The following OR51B5 variants were observed in gnomAD, a reference collection of about 807,000 sequenced individuals.
OR51B5 encodes the protein olfactory receptor family 51 subfamily B member 5, also known as olfactory receptor 51B5.
For synonymous variants in OR51B5, 186 were observed against 144.8 expected, an observed-to-expected ratio of 1.28 and a Z score of -2.04; for missense variants, 456 against 374.6, an observed-to-expected ratio of 1.22 and a Z score of -1.79.
At chr11:5,440,931 T>C (rs766425060) in intron 1 of OR51B5, 2 of 1,613,774 alleles carry the variant, frequency 1.2e-6, no homozygotes, top group African/African-American at 2.7e-5. Context: ...GTTGTTAACA[T>C]GGATGTCTCC....
intron 1 of OR51B5, among the ~76,000 whole-genome samples, chr11:5,367,716 C>G (rs1336300841): frequency 6.6e-6 from 1 of 152,184 alleles, no homozygotes; most frequent in Non-Finnish European, 1.5e-5. Context: ...AGGTCTCAGC[C>G]TTATTGTACC....
At chr11:5,483,505 A>T (rs1851456202) in intron 1 of OR51B5, among the ~76,000 whole-genome samples, 1 of 128,360 alleles carries the variant, frequency 7.8e-6, no homozygotes, top group Non-Finnish European at 1.6e-5. Context: ...CTTAAAGTAT[A>T]ATTAAAAAAA....
chr11:5,346,361 G>A (rs1472093734), upstream of OR51B5: 2 of 151,928 alleles, frequency 1.3e-5, no homozygotes, highest in African/African-American at 4.8e-5. Context: ...TTTCTGAGAA[G>A]AAAGACAATG....
At chr11:5,385,555 G>T (rs1037913398) in intron 1 of OR51B5, 4 of 152,040 alleles carry the variant, frequency 2.6e-5, no homozygotes, top group African/African-American at 7.2e-5. Flanking sequence ...GGCTCCAGGG[G>T]CCTTTAGAGA....
At chr11:5,441,973 A>C (rs1433479658) in intron 1 of OR51B5, among the ~76,000 whole-genome samples, 3 of 152,174 alleles carry the variant, frequency 2.0e-5, no homozygotes, top group African/African-American at 7.2e-5. Context: ...TGTCATAGCC[A>C]AAAACTTTTC....
intron 1 of OR51B5, among the ~76,000 whole-genome samples, chr11:5,448,947 C>T (rs571969803): frequency 3.9e-5 from 6 of 152,268 alleles, no homozygotes; most frequent in Admixed American, 2.6e-4. Flanking sequence ...AAAGAAGAAC[C>T]AGCCCCACTC....
intron 1 of OR51B5, among the ~76,000 whole-genome samples, chr11:5,445,641 A>G (rs1850749233): frequency 6.6e-6 from 1 of 151,700 alleles, no homozygotes; most frequent in African/African-American, 2.4e-5. Context: ...TGTACCTCCA[A>G]GCCCTATCTA....
At chr11:5,389,966 T>C in intron 1 of OR51B5, 1 of 1,611,930 alleles carries the variant, frequency 6.2e-7, no homozygotes, top group Non-Finnish European at 8.5e-7. Flanking sequence ...CTCCCACTCA[T>C]TTTGCCTGCA....
chr11:5,369,740 T>C (rs1239387706), intron 1 of OR51B5, among the ~76,000 whole-genome samples: 1 of 152,182 alleles, frequency 6.6e-6, no homozygotes, highest in Non-Finnish European at 1.5e-5. Context: ...CTCAAATAAA[T>C]AGTCCTATTG....
chr11:5,457,613 C>A (rs912393489), intron 1 of OR51B5, among the ~76,000 whole-genome samples: 9 of 152,164 alleles, frequency 5.9e-5, no homozygotes, highest in African/African-American at 2.2e-4. Flanking sequence ...ATTTTCTCTG[C>A]AACCTCACCA....
intron 1 of OR51B5, among the ~76,000 whole-genome samples, chr11:5,424,971 G>T (rs1407551085): frequency 1.5e-5 from 1 of 66,388 alleles, no homozygotes; most frequent in Non-Finnish European, 3.4e-5. Context: ...GACAGAGTGA[G>T]ACTCCGCCTC....
intron 1 of OR51B5, chr11:5,390,073 C>G: frequency 6.2e-7 from 1 of 1,613,718 alleles, no homozygotes; most frequent in Non-Finnish European, 8.5e-7. Context: ...ACCTGGTGCT[C>G]ATCGCACTGT....
intron 1 of OR51B5, among the ~76,000 whole-genome samples, chr11:5,479,886 G>C (rs1455445799): frequency 1.2e-3 from 163 of 139,968 alleles, no homozygotes; most frequent in African/African-American, 4.2e-3. Context: ...CCTACAAAGA[G>C]ACTTAGACTC....
At chr11:5,356,176 C>G (rs567274382) in intron 1 of OR51B5, among the ~76,000 whole-genome samples, 24 of 152,218 alleles carry the variant, frequency 1.6e-4, no homozygotes, top group African/African-American at 5.3e-4. Context: ...TCAAACTACT[C>G]CGAGCTAAAG....
At chr11:5,361,143 TAAAA>T (rs1849278293) in intron 1 of OR51B5, among the ~76,000 whole-genome samples, 2 of 128,818 alleles carry the variant, frequency 1.6e-5, no homozygotes, top group African/African-American at 2.8e-5. Context: ...AGTATAATAA[TAAAA>T]GAAAGAAAGA....
intron 1 of OR51B5, chr11:5,454,290 G>C: frequency 1.2e-6 from 2 of 1,614,188 alleles, no homozygotes; most frequent in Non-Finnish European, 1.7e-6. Context: ...TGGGAAGCAT[G>C]TCCCATGCTA....
intron 1 of OR51B5, among the ~76,000 whole-genome samples, chr11:5,369,345 A>C (rs1223492138): frequency 6.6e-6 from 1 of 152,192 alleles, no homozygotes; most frequent in Non-Finnish European, 1.5e-5. Flanking sequence ...AGTTAGTGGA[A>C]TACTATTAAC....
intron 1 of OR51B5, among the ~76,000 whole-genome samples, chr11:5,445,778 CAAAT>C (rs1564815985): frequency 6.6e-6 from 1 of 151,454 alleles, no homozygotes; most frequent in Non-Finnish European, 1.5e-5. Context: ...TATTGAACTA[CAAAT>C]AATAATATAA....
chr11:5,399,780 G>A (rs903649720), intron 1 of OR51B5, among the ~76,000 whole-genome samples: 1 of 142,804 alleles, frequency 7.0e-6, no homozygotes, highest in African/African-American at 2.6e-5. Flanking sequence ...AAAAAAAAAT[G>A]CAAGAAAGAA....
Sources: allele counts gnomAD v4.1 joint callset (sites outside exome capture counted in the v4.1 genomes callset), GRCh38; gene constraint gnomAD v4.1.1; transcripts MANE v1.5; gene names NCBI Gene and HGNC (gene_info 2026-07-23, HGNC 2026-07-21).